Variants in PTPRM observed in about 807,000 individuals in gnomAD.
The protein encoded by PTPRM is protein tyrosine phosphatase receptor type M, also known as receptor-type tyrosine-protein phosphatase mu.
In PTPRM, 47 loss-of-function variants were observed where a neutral mutation model predicts 186.7. The observed-to-expected ratio is 0.25, with a 90% CI of 0.20 to 0.32. The LOEUF (loss-of-function observed/expected upper bound fraction) is 0.32, where lower values mean the gene tolerates loss of function less well. Ranked by LOEUF, PTPRM falls within the 10% of genes least tolerant of loss-of-function variation. The pLI, the probability that PTPRM is intolerant of heterozygous loss-of-function variation, is 1.00. For missense variants in PTPRM, 1,494 were observed against 1,865.0 expected (o/e 0.80, Z 3.66); for synonymous variants, 668 against 674.9 (o/e 0.99, Z 0.16).
intron 7 of PTPRM, among the ~76,000 whole-genome samples, chr18:8,014,858 A>G (rs1331709674): frequency 6.6e-6 from 1 of 152,126 alleles, no homozygotes; most frequent in East Asian, 1.9e-4. Flanking sequence ...TTGCATTTCA[A>G]TAAGGCATTG....
intron 5 of PTPRM, among the ~76,000 whole-genome samples, chr18:7,946,116 A>C (rs775225218): frequency 1.3e-5 from 2 of 152,232 alleles, no homozygotes; most frequent in Admixed American, 6.5e-5. Flanking sequence ...TGGCATGAAG[A>C]CAGTGCTACT....
chr18:7,928,634 C>T (rs1303091079), intron 5 of PTPRM, among the ~76,000 whole-genome samples: 1 of 152,040 alleles, frequency 6.6e-6, no homozygotes, highest in African/African-American at 2.4e-5. Flanking sequence ...CGTTTTGCTC[C>T]TAATATTTAT....
At chr18:8,375,882 A>G (rs1395581457) in intron 24 of PTPRM, among the ~76,000 whole-genome samples, 164 bp from the exon 25 acceptor site, 1 of 152,008 alleles carries the variant, frequency 6.6e-6, no homozygotes, top group Non-Finnish European at 1.5e-5. Context: ...TGCCTTCCAC[A>G]TTGTGTGTGA....
chr18:7,841,087 A>C (rs2145833398), intron 2 of PTPRM, among the ~76,000 whole-genome samples: 1 of 152,254 alleles, frequency 6.6e-6, no homozygotes, highest in South Asian at 2.1e-4. Context: ...GATCTCATAC[A>C]AGGAATTTCT....
chr18:8,193,899 T>A (rs1253047513), intron 14 of PTPRM, among the ~76,000 whole-genome samples: 2 of 152,246 alleles, frequency 1.3e-5, no homozygotes, highest in Admixed American at 1.3e-4. Context: ...TCAGACACAC[T>A]GGGTCTTCAA....
At chr18:8,018,644 T>TA (rs1279233390) in intron 7 of PTPRM, among the ~76,000 whole-genome samples, 1 of 151,648 alleles carries the variant, frequency 6.6e-6, no homozygotes, top group Non-Finnish European at 1.5e-5. Flanking sequence ...TCCCTTTTTT[T>TA]ATGTAAAATT....
intron 7 of PTPRM, among the ~76,000 whole-genome samples, chr18:7,973,359 C>G (rs1042779869): frequency 6.6e-6 from 1 of 152,144 alleles, no homozygotes; most frequent in African/African-American, 2.4e-5. Context: ...AGCAAGGTGT[C>G]ACAATGTCAG....
intron 1 of PTPRM, among the ~76,000 whole-genome samples, chr18:7,772,345 CTTTCTCTTTCTT>C (rs1250137543): frequency 1.5e-4 from 18 of 116,592 alleles, no homozygotes; most frequent in Admixed American, 9.7e-4. Context: ...TTCTTTCTTT[CTTTCTCTTTCTT>C]TCTTTCTTTC....
intron 4 of PTPRM, among the ~76,000 whole-genome samples, chr18:7,921,538 G>A (rs765240460): frequency 4.0e-5 from 6 of 151,796 alleles, no homozygotes; most frequent in East Asian, 1.9e-4. Flanking sequence ...CTGCCACCAC[G>A]CCCATCTAAT....
Position 8,253,324 on chromosome 18 carries a change from G to C in PTPRM, c.2664G>C (p.Gln888His), listed in dbSNP as rs751197697. 6.3e-7 allele frequency: 1 copy of C among 1,597,942 alleles called. No homozygotes were observed. Among genetic ancestry groups the C allele is most frequent in the Admixed American group, 1.7e-5 (1 of 57,962 alleles). The change falls in exon 19 of 33, where the codon CAG becomes CAC. Residue 888 changes from glutamine to histidine, a missense_variant. This residue lies in a region of PTPRM where 1,107 missense variants were observed against 1,350.2 expected (regional missense o/e 0.82). Transcript: ENST00000580170. ...CCGACGTGCCCTATCAGACTGGGCA[G>C]CTCCACCCCGCCATCCGGGTGGCAG... Reference protein sequence around the residue: ...EPADVPYQTGQLHPAIRVADL... With the variant: ...EPADVPYQTGHLHPAIRVADL...
intron 1 of PTPRM, among the ~76,000 whole-genome samples, chr18:7,589,335 A>G (rs78492800): frequency 0.024 from 3,585 of 152,266 alleles, 99 homozygotes; most frequent in African/African-American, 0.067. Flanking sequence ...GTTGAGAAAC[A>G]GCAAATGGGA....
chr18:8,144,035 G>A (rs1416455713), intron 14 of PTPRM, among the ~76,000 whole-genome samples: 1 of 152,192 alleles, frequency 6.6e-6, no homozygotes, highest in Non-Finnish European at 1.5e-5. Flanking sequence ...CCACACAGTG[G>A]CAGATAAAGC....
intron 14 of PTPRM, among the ~76,000 whole-genome samples, chr18:8,180,104 T>C (rs1192615495): frequency 1.3e-5 from 2 of 151,710 alleles, no homozygotes; most frequent in Non-Finnish European, 2.9e-5. Context: ...GTTCTAGGGG[T>C]TGATTAGTAA....
chr18:8,400,292 G>A (rs547740807), intron 32 of PTPRM, among the ~76,000 whole-genome samples: 30 of 152,214 alleles, frequency 2.0e-4, no homozygotes, highest in Non-Finnish European at 4.3e-4. Context: ...TTGGTCAGGG[G>A]CCTGGCTGCA....
At chr18:8,225,364 T>C (rs73939404) in intron 14 of PTPRM, among the ~76,000 whole-genome samples, 1,757 of 151,068 alleles carry the variant, frequency 0.012, 28 homozygotes, top group African/African-American at 0.04. Context: ...CTTTGGCCAA[T>C]AGGAGTTCAT....
Position 7,775,531 on chromosome 18 carries a change from G to A in PTPRM, c.196+1260G>A, listed in dbSNP as rs551931176. ...CCCAAACAGGTGTCTTCCCCTGATGGCCTTTTGGTCTTTCCTGCCCTCTCA... is the reference window on the plus strand; with the variant it reads ...CCCAAACAGGTGTCTTCCCCTGATGACCTTTTGGTCTTTCCTGCCCTCTCA... On this transcript the variant is annotated intron_variant, in intron 2 of 32. Coordinates refer to ENST00000580170, the MANE Select transcript of PTPRM (RefSeq NM_001105244.2). Among the ~76,000 whole-genome samples the A allele has an allele frequency of 1.2e-3, 178 of 152,120 alleles. 1 individual carries two copies. The highest frequency in any genetic ancestry group is 1.8e-3 in the Non-Finnish European group (124 of 67,996).
chr18:7,571,154 A>G (rs1380281487), intron 1 of PTPRM, among the ~76,000 whole-genome samples: 2 of 152,000 alleles, frequency 1.3e-5, no homozygotes, highest in Non-Finnish European at 2.9e-5. Flanking sequence ...GTTGGCCAGG[A>G]TGGTCTCAAT....
At chr18:7,831,248 T>C (rs2145722610) in intron 2 of PTPRM, among the ~76,000 whole-genome samples, 1 of 152,242 alleles carries the variant, frequency 6.6e-6, no homozygotes, top group Middle Eastern at 3.4e-3. Flanking sequence ...TTGAAATAAA[T>C]CTCTTGGGGA....
chr18:8,375,108 A>G (rs2148479926), intron 24 of PTPRM, among the ~76,000 whole-genome samples: 1 of 152,334 alleles, frequency 6.6e-6, no homozygotes, highest in East Asian at 1.9e-4. Context: ...TACTTAGAAA[A>G]CAAAATTGAC....
Sources: allele counts gnomAD v4.1 joint callset (sites outside exome capture counted in the v4.1 genomes callset), GRCh38; gene constraint gnomAD v4.1.1; regional missense constraint gnomAD v4.1.1; transcripts MANE v1.5; gene names NCBI Gene and HGNC (gene_info 2026-07-23, HGNC 2026-07-21).